The following WASL variants were observed in gnomAD, a reference collection of about 807,000 sequenced individuals.
The protein encoded by WASL is WASP like actin nucleation promoting factor.
Under a neutral mutation model 55.5 loss-of-function variants are expected in WASL, and 20 were observed. That is an observed-to-expected ratio of 0.36 (90% CI 0.25 to 0.52). WASL has a LOEUF of 0.52. Among genes scored for constraint, WASL ranks in the 20% least tolerant of loss-of-function variants. The pLI is 0.92. For synonymous variants in WASL, 249 were observed against 217.6 expected (o/e 1.14, Z -1.27); for missense variants, 504 against 622.5 (o/e 0.81, Z 2.03).
At position 123,682,615 on chromosome 7, in the gene WASL, A is replaced by G. The variant is rs1315679126; in HGVS notation, c.*1904T>C. Reference sequence around the variant, plus strand: ...CTTAAATTGGCATTACCCTGAAGACATTTCTAGGAAATTTAAAATGTTTTT... The same window carrying G: ...CTTAAATTGGCATTACCCTGAAGACGTTTCTAGGAAATTTAAAATGTTTTT... On this transcript the variant is annotated 3_prime_UTR_variant, in exon 11 of 11. Transcript: ENST00000223023. The G allele has an allele frequency of 6.6e-6, 1 of 152,094 alleles. No individual in the cohort carries two copies. Among genetic ancestry groups the G allele is most frequent in the Non-Finnish European group, 1.5e-5 (1 of 68,010 alleles). 9.4% of individuals were successfully genotyped at this position (152,094 alleles called of 1,614,324 possible).
chr7:123,692,707 C>A lies in WASL; in HGVS notation c.987G>T (p.Arg329Ser). Reference protein sequence around the residue: ...TAAPPPPPPSRPSVAVPPPPP... With the variant: ...TAAPPPPPPSSPSVAVPPPPP... ...GTGGTGGAGGGACTGCTACACTTGGCCTGGAAGGAGGCGGTGGTGGAGGTG... is the reference window on the plus strand; with the variant it reads ...GTGGTGGAGGGACTGCTACACTTGGACTGGAAGGAGGCGGTGGTGGAGGTG... The change falls in exon 9 of 11, where the codon AGG (arginine) becomes AGT (serine). Residue 329 changes from arginine (R) to serine (S), a missense_variant. This residue lies in a region of WASL where 201 missense variants were observed against 206.2 expected (regional missense o/e 0.97). Transcript: ENST00000223023. 6.6e-7 allele frequency: 1 copy of A among 1,515,478 alleles called. No homozygotes were observed. The highest frequency in any genetic ancestry group is 8.8e-7 in the Non-Finnish European group (1 of 1,134,330). The allele number at this position is 1,515,478 out of a possible 1,614,324, so 93.9% of individuals were successfully genotyped here.
chr7:123,743,879 T>C (rs896395033), intron 1 of WASL, among the ~76,000 whole-genome samples: 4 of 152,250 alleles, frequency 2.6e-5, no homozygotes, highest in African/African-American at 9.6e-5. Flanking sequence ...CCCAACCCTG[T>C]TGGACTTTTC....
At chr7:123,719,097 T>C (rs962128169) in intron 1 of WASL, among the ~76,000 whole-genome samples, 1 of 152,228 alleles carries the variant, frequency 6.6e-6, no homozygotes, top group African/African-American at 2.4e-5. Context: ...GTAAAATTTA[T>C]TTTGATCATT....
At chr7:123,741,977 T>C (rs1374929414) in intron 1 of WASL, among the ~76,000 whole-genome samples, 1 of 152,198 alleles carries the variant, frequency 6.6e-6, no homozygotes. Flanking sequence ...TACTCATAGA[T>C]ACAATTTTTA....
intron 9 of WASL, among the ~76,000 whole-genome samples, chr7:123,691,633 T>C (rs575648334): frequency 6.7e-4 from 102 of 152,342 alleles, no homozygotes; most frequent in African/African-American, 2.4e-3. Context: ...AAGGTTTTAC[T>C]ACCTGATCCT....
intron 1 of WASL, among the ~76,000 whole-genome samples, chr7:123,738,978 C>T (rs1416025036): frequency 2.6e-5 from 4 of 152,056 alleles, no homozygotes; most frequent in South Asian, 2.1e-4. Flanking sequence ...CATCCTGGGC[C>T]GCAGGTTGGA....
At chr7:123,746,925 A>T (rs569096042) in intron 1 of WASL, among the ~76,000 whole-genome samples, 3 of 152,234 alleles carry the variant, frequency 2.0e-5, no homozygotes, top group Non-Finnish European at 2.9e-5. Context: ...TTACATAGCT[A>T]ATCTACTAAA....
At chr7:123,728,338 T>C (rs527708156) in intron 1 of WASL, among the ~76,000 whole-genome samples, 1 of 152,336 alleles carries the variant, frequency 6.6e-6, no homozygotes, top group East Asian at 1.9e-4. Context: ...CTGAGCAAAC[T>C]TATTTCTTAG....
intron 1 of WASL, among the ~76,000 whole-genome samples, chr7:123,718,682 ACCATGCCCAG>A (rs1338159191): frequency 6.6e-6 from 1 of 152,282 alleles, no homozygotes. Context: ...GGCATGAACC[ACCATGCCCAG>A]CCCCATATAA....
At chr7:123,716,603 G>T (rs1803846464) in intron 1 of WASL, among the ~76,000 whole-genome samples, 2 of 152,042 alleles carry the variant, frequency 1.3e-5, no homozygotes, top group Admixed American at 1.3e-4. Flanking sequence ...GGAAAAAAAA[G>T]AGAGGGAGGG....
rs888237319 is a variant in WASL, at chr7:123,682,238, G to A, written c.*2281C>T. On this transcript the variant is annotated 3_prime_UTR_variant, in exon 11 of 11. Transcript: ENST00000223023. ...ACGGAAGGCTTTCAGACAACGCACA[G>A]GTATAGTGCTGCTCACAGTGCAGGA... The A allele has an allele frequency of 4.6e-5, 7 of 152,084 alleles. No homozygotes were observed. The South Asian group carries it at 1.4e-3, about 31-fold the overall frequency. 9.4% of individuals were successfully genotyped at this position (152,084 alleles called of 1,614,324 possible). A position where few individuals can be genotyped will look rare whatever the true frequency, so the allele number is the denominator to read the frequency against.
chr7:123,717,630 T>C (rs983223091), intron 1 of WASL, among the ~76,000 whole-genome samples: 1 of 152,194 alleles, frequency 6.6e-6, no homozygotes, highest in African/African-American at 2.4e-5. Flanking sequence ...ACAAATGAGA[T>C]GTAAAGTTCT....
chr7:123,711,318 C>G (rs2116792700), intron 1 of WASL, among the ~76,000 whole-genome samples: 1 of 152,072 alleles, frequency 6.6e-6, no homozygotes, highest in South Asian at 2.1e-4. Flanking sequence ...ACATTTTAAC[C>G]TTTAGATAAA....
chr7:123,726,509 GA>G (rs369294385), intron 1 of WASL, among the ~76,000 whole-genome samples: 7 of 146,534 alleles, frequency 4.8e-5, no homozygotes, highest in South Asian at 2.2e-4. Context: ...AAAGGTTAAA[GA>G]AAAAAAAAAG....
At chr7:123,719,102 A>G (rs1803893500) in intron 1 of WASL, among the ~76,000 whole-genome samples, 1 of 152,212 alleles carries the variant, frequency 6.6e-6, no homozygotes. Context: ...ATTTATTTTG[A>G]TCATTCCTCA....
chr7:123,688,816 T>C (rs571360350), intron 10 of WASL, among the ~76,000 whole-genome samples: 13 of 152,342 alleles, frequency 8.5e-5, no homozygotes, highest in African/African-American at 2.9e-4. Context: ...TTTATGGCTA[T>C]GGCTGTGGTG....
intron 7 of WASL, among the ~76,000 whole-genome samples, chr7:123,695,403 A>G (rs1803475195): frequency 6.6e-6 from 1 of 152,160 alleles, no homozygotes; most frequent in Non-Finnish European, 1.5e-5. Context: ...CAGCAGTTTC[A>G]CAGTGCTATA....
intron 5 of WASL, among the ~76,000 whole-genome samples, chr7:123,703,702 T>C (rs1320855120): frequency 6.6e-6 from 1 of 152,188 alleles, no homozygotes; most frequent in Non-Finnish European, 1.5e-5. Flanking sequence ...AGGCAACGTA[T>C]CTGTTTAAAA....
At position 123,694,693 on chromosome 7, in the gene WASL, G is replaced by A. The variant is rs79354451; in HGVS notation, c.826+22C>T. The A allele has an allele frequency of 1.6e-3, 2,547 of 1,610,632 alleles. 35 individuals are homozygous for A. The African/African-American group carries it at 0.029, about 19-fold the overall frequency. On this transcript the variant is annotated intron_variant, in intron 8 of 10. Transcript: ENST00000223023. The stretch of plus-strand genomic sequence containing the variant: ...TCAAAAGATTAAAACAAAACAGAAC[G>A]CTGAATAGAGATAAAAGTTACCTTG...
Sources: allele counts gnomAD v4.1 joint callset (sites outside exome capture counted in the v4.1 genomes callset), GRCh38; gene constraint gnomAD v4.1.1; regional missense constraint gnomAD v4.1.1; transcripts MANE v1.5; gene names NCBI Gene and HGNC (gene_info 2026-07-23, HGNC 2026-07-21).